SCML4: variants seen among roughly 807,000 people sequenced by gnomAD.
SCML4 encodes Scm polycomb group protein like 4.
In SCML4, 34 loss-of-function variants were observed where a neutral mutation model predicts 41.1. The observed-to-expected ratio is 0.83, with a 90% CI of 0.63 to 1.10. The LOEUF is 1.10. Among genes scored for constraint, SCML4 ranks in the 50% least tolerant of loss-of-function variants. SCML4 has a pLI of 0.00. For missense variants in SCML4, 522 were observed against 534.1 expected (o/e 0.98, Z 0.22); for synonymous variants, 214 against 220.9 (o/e 0.97, Z 0.28).
the SCML4 span, among the ~76,000 whole-genome samples, chr6:107,843,210 AAAAC>A: frequency 3.3e-5 from 5 of 152,178 alleles, no homozygotes; most frequent in African/African-American, 1.2e-4. Context: ...GCGAAACACA[AAAAC>A]AAACAAACGA....
chr6:107,836,144 A>C, the SCML4 span, among the ~76,000 whole-genome samples: 1 of 152,086 alleles, frequency 6.6e-6, no homozygotes, highest in Non-Finnish European at 1.5e-5. Context: ...TAATGTTCCC[A>C]TGCTTTAAGA....
chr6:107,716,786 C>T (rs1774850525), intron 6 of SCML4, among the ~76,000 whole-genome samples: 1 of 152,174 alleles, frequency 6.6e-6, no homozygotes, highest in African/African-American at 2.4e-5. Context: ...ATGAAAACCA[C>T]ATTTCCCAGC....
chr6:107,812,585 G>A (rs1265574272), intron 1 of SCML4, among the ~76,000 whole-genome samples: 2 of 152,188 alleles, frequency 1.3e-5, no homozygotes, highest in African/African-American at 4.8e-5. Context: ...CCACACGTGG[G>A]GGGACTTCAC....
intron 1 of SCML4, among the ~76,000 whole-genome samples, chr6:107,800,093 C>T (rs567395402): frequency 2.0e-5 from 3 of 151,960 alleles, no homozygotes; most frequent in Non-Finnish European, 2.9e-5. Flanking sequence ...TCAAGCCATC[C>T]TCCCCCCTCA....
rs1445284457 is a variant in SCML4, at chr6:107,704,867, C to G, written c.*333G>C. 2.7e-6 allele frequency: 1 copy of G among 371,774 alleles called. No homozygotes were observed. The highest frequency in any genetic ancestry group is 2.1e-5 in the African/African-American group (1 of 47,156). The allele number at this position is 371,774 out of a possible 1,614,324, so 23.0% of individuals were successfully genotyped here. A position where few individuals can be genotyped will look rare whatever the true frequency, so the allele number is the denominator to read the frequency against. On this transcript the variant is annotated 3_prime_UTR_variant, in exon 8 of 8. Transcript: ENST00000369020. ...GTCCTTCTTTCATCCTTTGAACCCT[C>G]CAGAACTCTCCTTGGGCATAAGCAT... is the stretch of plus-strand genomic sequence containing the variant.
rs754771324 is a variant in SCML4, at chr6:107,705,223, T to G, written c.1222A>C (p.Lys408Gln). 2.8e-5 allele frequency: 44 copies of G among 1,551,630 alleles called. 2 individuals are homozygous for G. In the South Asian group the frequency reaches 5.0e-4, roughly 18 times the overall value. The stretch of plus-strand genomic sequence containing the variant: ...AGTCAGAACTTGGCTTGCTTCAGTT[T>G]GTCAATGTGGTAGCAGAGTTTCAGT... ...PALKLCYHID[K>Q]LKQAKF The change falls in exon 8 of 8, where the codon AAA becomes CAA. Residue 408 changes from lysine to glutamine, a missense_variant. Physicochemically the swap from Lys to Gln is moderately conservative, Grantham distance 53. Transcript: ENST00000369020.
intron 6 of SCML4, among the ~76,000 whole-genome samples, chr6:107,709,576 C>A (rs1774037000): frequency 2.0e-5 from 3 of 152,212 alleles, no homozygotes; most frequent in African/African-American, 4.8e-5. Flanking sequence ...GTGGCTGGTG[C>A]TTTGACTTCA....
chr6:107,768,026 T>C (rs576971080), intron 2 of SCML4, among the ~76,000 whole-genome samples: 1 of 145,066 alleles, frequency 6.9e-6, no homozygotes, highest in East Asian at 2.0e-4. Context: ...TTTGGGAGGC[T>C]GAGGCGAGAG....
At chr6:107,780,381 A>C (rs931727737) in intron 1 of SCML4, among the ~76,000 whole-genome samples, 1 of 152,184 alleles carries the variant, frequency 6.6e-6, no homozygotes, top group Non-Finnish European at 1.5e-5. Context: ...CTTAGCGTCA[A>C]ATTTTTCCCT....
chr6:107,833,174 G>C, the SCML4 span, among the ~76,000 whole-genome samples: 17 of 152,168 alleles, frequency 1.1e-4, no homozygotes, highest in Non-Finnish European at 2.4e-4. Context: ...TCTTACAAGG[G>C]GAGTGACCTT....
chr6:107,795,530 T>A (rs1435197532), intron 1 of SCML4, among the ~76,000 whole-genome samples: 1 of 152,124 alleles, frequency 6.6e-6, no homozygotes, highest in Non-Finnish European at 1.5e-5. Context: ...CTTAGAAATA[T>A]TCTTTTTTTT....
At position 107,787,980 on chromosome 6, in the gene SCML4, T is replaced by G. The variant is rs9373980; in HGVS notation, c.-59-15594A>C. Among the ~76,000 whole-genome samples the G allele has an allele frequency of 4.8e-4, 73 of 152,254 alleles. No individual in the cohort carries two copies. In the East Asian group the frequency reaches 0.014, roughly 29 times the overall value. Reference sequence around the variant, plus strand: ...AACCCAATGTTTGCCCTCCAAGAACTGTCTAAGAAAGATACCACCTCGGAC... The same window carrying G: ...AACCCAATGTTTGCCCTCCAAGAACGGTCTAAGAAAGATACCACCTCGGAC... On this transcript the variant is annotated intron_variant, in intron 1 of 7. Transcript: ENST00000369020.
At position 107,810,528 on chromosome 6, in the gene SCML4, G is replaced by C. The variant is rs140804236; in HGVS notation, c.-60+13598C>G. ...CTGGAGACATCAGATCATCTCCTCT[G>C]CCCTGGGGTAGAGTTGAAACCTTCC... On this transcript the variant is annotated intron_variant, in intron 1 of 7. Coordinates refer to ENST00000369020, the MANE Select transcript of SCML4 (RefSeq NM_198081.5). Among the ~76,000 whole-genome samples the C allele has an allele frequency of 3.9e-5, 6 of 152,272 alleles. No homozygotes were observed. In the East Asian group the frequency reaches 1.2e-3, roughly 29 times the overall value.
intron 1 of SCML4, among the ~76,000 whole-genome samples, chr6:107,814,755 A>G (rs561043730): frequency 6.7e-4 from 102 of 152,228 alleles, no homozygotes; most frequent in African/African-American, 2.3e-3. Flanking sequence ...GTTTCGCCAC[A>G]TTGGCCAGGC....
chr6:107,843,713 T>C, the SCML4 span, among the ~76,000 whole-genome samples: 5 of 152,164 alleles, frequency 3.3e-5, no homozygotes, highest in Non-Finnish European at 7.3e-5. Flanking sequence ...CATTCAACTT[T>C]GCGGGAGAAG....
intron 5 of SCML4, among the ~76,000 whole-genome samples, chr6:107,732,607 G>C (rs991166152): frequency 6.6e-5 from 10 of 152,138 alleles, no homozygotes; most frequent in Non-Finnish European, 1.2e-4. Context: ...TTGACCAAAG[G>C]CATTTTTGAC....
intron 1 of SCML4, among the ~76,000 whole-genome samples, chr6:107,804,774 T>C (rs1322893261): frequency 6.6e-6 from 1 of 152,138 alleles, no homozygotes. Flanking sequence ...CCTAGGAGTT[T>C]GAGACCAGCC....
intron 2 of SCML4, among the ~76,000 whole-genome samples, chr6:107,756,846 G>GCC (rs1190668813): frequency 2.6e-5 from 4 of 152,146 alleles, no homozygotes; most frequent in Non-Finnish European, 4.4e-5. Flanking sequence ...GAGAAGAGAG[G>GCC]CCTCTTCCTG....
chr6:107,788,125 A>G (rs17068789), intron 1 of SCML4, among the ~76,000 whole-genome samples: 1 of 152,238 alleles, frequency 6.6e-6, no homozygotes, highest in Non-Finnish European at 1.5e-5. Context: ...GTGCACAGTT[A>G]TCGTGAAATT....
Sources: gnomAD v4.1 joint callset for allele counts (sites outside exome capture counted in the v4.1 genomes callset) on GRCh38, gnomAD v4.1.1 for gene constraint, MANE v1.5 for transcripts, NCBI Gene and HGNC (gene_info 2026-07-23, HGNC 2026-07-21) for gene names.